Variants in TBC1D9 observed in about 807,000 individuals in gnomAD.
TBC1D9 encodes the protein TBC1 domain family member 9, also known as TBC1 domain family member 9A.
TBC1D9 carries 63 observed loss-of-function variants against 132.0 expected under a neutral mutation model. That is an observed-to-expected ratio of 0.48 (90% confidence interval 0.39 to 0.59). The LOEUF (loss-of-function observed/expected upper bound fraction) is 0.59, where lower values mean the gene tolerates loss of function less well. Ranked by LOEUF, TBC1D9 falls within the 20% of genes least tolerant of loss-of-function variation. TBC1D9 has a pLI of 0.00. For synonymous variants in TBC1D9, 610 were observed against 609.9 expected (o/e 1.00, Z 0.00); for missense variants, 1,261 against 1,592.7 (o/e 0.79, Z 3.54).
chr4:140,746,156 T>C (rs1393523565), intron 1 of TBC1D9, among the ~76,000 whole-genome samples: 2 of 152,222 alleles, frequency 1.3e-5, no homozygotes, highest in African/African-American at 4.8e-5. Flanking sequence ...AGGTTAATAA[T>C]GTGACCCAAC....
At chr4:140,643,368 A>C (rs1737041965) in intron 13 of TBC1D9, 5 of 1,299,260 alleles carry the variant, frequency 3.8e-6, no homozygotes, top group Non-Finnish European at 5.4e-6. Context: ...TGGGGAGGGC[A>C]GAGGCCTGGC....
chr4:140,728,946 G>A (rs1434603971), intron 1 of TBC1D9, among the ~76,000 whole-genome samples: 4 of 152,210 alleles, frequency 2.6e-5, no homozygotes, highest in African/African-American at 7.2e-5. Flanking sequence ...TTACAGGCAT[G>A]AGCCACTGGA....
chr4:140,734,276 G>A (rs1232865002), intron 1 of TBC1D9, among the ~76,000 whole-genome samples: 10 of 152,160 alleles, frequency 6.6e-5, no homozygotes, highest in Admixed American at 2.0e-4. Context: ...CCACTGGCAC[G>A]TGTCACCACA....
At chr4:140,752,849 C>A (rs1244120717) in intron 1 of TBC1D9, among the ~76,000 whole-genome samples, 2 of 152,152 alleles carry the variant, frequency 1.3e-5, no homozygotes, top group African/African-American at 4.8e-5. Context: ...TCCCTGATGA[C>A]CACACTTTGA....
chr4:140,729,537 T>C (rs2111066037), intron 1 of TBC1D9, among the ~76,000 whole-genome samples: 1 of 152,072 alleles, frequency 6.6e-6, no homozygotes, highest in Non-Finnish European at 1.5e-5. Context: ...CACAACAGGG[T>C]TTTTCTCCCT....
intron 2 of TBC1D9, among the ~76,000 whole-genome samples, chr4:140,696,361 G>A (rs1022881588): frequency 2.8e-5 from 4 of 144,976 alleles, no homozygotes; most frequent in African/African-American, 7.6e-5. Flanking sequence ...GGAGGTTGAG[G>A]CAGGAGAATC....
chr4:140,693,400 A>G (rs531950596), intron 2 of TBC1D9, among the ~76,000 whole-genome samples: 1 of 152,376 alleles, frequency 6.6e-6, no homozygotes, highest in African/African-American at 2.4e-5. Flanking sequence ...TTAATGCCTC[A>G]GACCATGTCG....
At chr4:140,687,375 T>TG (rs762728425) in intron 2 of TBC1D9, among the ~76,000 whole-genome samples, 22,816 of 101,202 alleles carry the variant, frequency 0.23, 4,035 homozygotes, top group African/African-American at 0.26. Context: ...TATATATATA[T>TG]ATATATATAT....
At chr4:140,639,927 T>G (rs1484810476) in intron 13 of TBC1D9, among the ~76,000 whole-genome samples, 1 of 152,214 alleles carries the variant, frequency 6.6e-6, no homozygotes, top group Non-Finnish European at 1.5e-5. Context: ...TTCAAGCTCC[T>G]TCGTACCCCC....
chr4:140,658,929 A>C (rs1737314929), intron 11 of TBC1D9, among the ~76,000 whole-genome samples: 1 of 152,232 alleles, frequency 6.6e-6, no homozygotes, highest in African/African-American at 2.4e-5. Flanking sequence ...TGATCAACGT[A>C]AGGACATTTT....
intron 3 of TBC1D9, among the ~76,000 whole-genome samples, chr4:140,680,859 G>A (rs73856701): frequency 0.029 from 4,389 of 152,144 alleles, 226 homozygotes; most frequent in African/African-American, 0.1. Flanking sequence ...CTAAAAATTT[G>A]TCTTCCTAAA....
chr4:140,704,063 G>A (rs11731292), intron 1 of TBC1D9, among the ~76,000 whole-genome samples: 66,739 of 151,980 alleles, frequency 0.44, 16,808 homozygotes, highest in African/African-American at 0.69. Flanking sequence ...TGGTTCTAAG[G>A]CATACAAACT....
chr4:140,667,240 C>T (rs903564454), intron 9 of TBC1D9, among the ~76,000 whole-genome samples: 1 of 152,156 alleles, frequency 6.6e-6, no homozygotes, highest in Non-Finnish European at 1.5e-5. Flanking sequence ...CGTGTGGAGA[C>T]CACCCTGCGG....
intron 13 of TBC1D9, among the ~76,000 whole-genome samples, chr4:140,649,494 C>T (rs1737152823): frequency 6.6e-6 from 1 of 152,136 alleles, no homozygotes. Context: ...GAAGCTTTGC[C>T]TTGGATGACT....
intron 9 of TBC1D9, among the ~76,000 whole-genome samples, chr4:140,668,180 G>A (rs1737477035): frequency 6.6e-6 from 1 of 152,228 alleles, no homozygotes; most frequent in Admixed American, 6.5e-5. Flanking sequence ...GCTTTCGGAT[G>A]GGAGGAAGCA....
intron 13 of TBC1D9, among the ~76,000 whole-genome samples, chr4:140,654,400 T>G (rs1737233692): frequency 1.4e-5 from 2 of 142,000 alleles, no homozygotes; most frequent in Non-Finnish European, 3.0e-5. Flanking sequence ...CTGGTACTGA[T>G]AATGCTTGGT....
intron 2 of TBC1D9, among the ~76,000 whole-genome samples, chr4:140,693,027 C>CA (rs919668394): frequency 3.3e-4 from 48 of 143,542 alleles, no homozygotes; most frequent in African/African-American, 5.1e-4. Flanking sequence ...GACCCTGTTT[C>CA]AAAAAAAAAA....
At chr4:140,689,252 A>G (rs1339763329) in intron 2 of TBC1D9, among the ~76,000 whole-genome samples, 1 of 152,054 alleles carries the variant, frequency 6.6e-6, no homozygotes, top group African/African-American at 2.4e-5. Context: ...GCCCTTTACC[A>G]AGTTATCACA....
intron 1 of TBC1D9, among the ~76,000 whole-genome samples, chr4:140,720,381 C>T (rs1261046784): frequency 3.3e-5 from 5 of 152,212 alleles, no homozygotes; most frequent in African/African-American, 7.2e-5. Context: ...GAGCAGAAGA[C>T]CAGTTAGGAA....
Sources: gnomAD v4.1 joint callset for allele counts (sites outside exome capture counted in the v4.1 genomes callset) on GRCh38, gnomAD v4.1.1 for gene constraint, MANE v1.5 for transcripts, NCBI Gene and HGNC (gene_info 2026-07-23, HGNC 2026-07-21) for gene names.